Variants in TBC1D9B observed in about 807,000 individuals in gnomAD.
TBC1D9B encodes the protein TBC1 domain family member 9B.
A neutral mutation model predicts 121.1 loss-of-function variants in TBC1D9B; 87 were observed. The ratio of observed to expected loss-of-function variants is 0.72; its 90% confidence interval spans 0.60 to 0.86. The LOEUF (loss-of-function observed/expected upper bound fraction) is 0.86, where lower values mean the gene tolerates loss of function less well. TBC1D9B is among the 40% of genes least tolerant of loss of function. The probability of loss-of-function intolerance (pLI) is 0.00; values close to 1 mark genes in which losing one functional copy is unlikely to be tolerated. For missense variants in TBC1D9B, 1,540 were observed against 1,628.6 expected, an observed-to-expected ratio of 0.95 and a Z score of 0.94; for synonymous variants, 668 against 670.1, an observed-to-expected ratio of 1.00 and a Z score of 0.05.
At chr5:179,903,571 T>C (rs556530823) in intron 2 of TBC1D9B, among the ~76,000 whole-genome samples, 5 of 152,334 alleles carry the variant, frequency 3.3e-5, no homozygotes, top group African/African-American at 1.2e-4. Flanking sequence ...TAATCACACT[T>C]CTGTCGACTG....
intron 14 of TBC1D9B, 120 bp from the exon 15 acceptor site, chr5:179,871,650 G>T: frequency 2.9e-6 from 3 of 1,048,414 alleles, no homozygotes; most frequent in Non-Finnish European, 4.3e-6. Flanking sequence ...CCTCTCAGTG[G>T]CCCAGCACTC....
At chr5:179,867,991 C>T (rs559002464) in intron 17 of TBC1D9B, 142 bp from the exon 18 acceptor site, 5 of 608,172 alleles carry the variant, frequency 8.2e-6, no homozygotes, top group East Asian at 3.0e-5. Flanking sequence ...TGACAGTGCC[C>T]GGTAATAGTT....
At position 179,890,943 on chromosome 5, in the gene TBC1D9B, G is replaced by C. The variant is rs762470334; in HGVS notation, c.1044+436C>G. The stretch of plus-strand genomic sequence containing the variant: ...CGACCTCTGATGGCCTGCTGGAGCC[G>C]AGCCACGCCAAGGTGGTATGTCCAG... On this transcript the variant is annotated intron_variant, in intron 6 of 20. Transcript: ENST00000355235. The surrounding 1 kb of genome is among the most constrained non-coding windows in gnomAD (Gnocchi z 5.0). Among the ~76,000 whole-genome samples the C allele has an allele frequency of 3.9e-5, 6 of 152,214 alleles. No individual in the cohort carries two copies. Among genetic ancestry groups the C allele is most frequent in the Non-Finnish European group, 8.8e-5 (6 of 68,032 alleles).
At position 179,894,605 on chromosome 5, in the gene TBC1D9B, C is replaced by T. The variant is rs1214020653; in HGVS notation, c.358G>A (p.Ala120Thr). 6.2e-6 allele frequency: 10 copies of T among 1,614,020 alleles called. No homozygotes were observed. Among genetic ancestry groups the T allele is most frequent in the Admixed American group, 1.7e-5 (1 of 59,998 alleles). Residue 120 changes from alanine to threonine, a missense_variant, in exon 4 of 21, where the codon GCA (alanine) becomes ACA (threonine). Ala to Thr is a moderately conservative substitution (Grantham distance 58). Transcript: ENST00000355235. ...FVKGKIHGIIAEENKNLQPQG... is the reference protein window; with the variant it reads ...FVKGKIHGIITEENKNLQPQG... The stretch of plus-strand genomic sequence containing the variant: ...GGCTGCAGGTTCTTGTTCTCTTCTG[C>T]GATGATTCCCTGGAGGAAGGCAAGA...
rs1760253800 is a variant in TBC1D9B, at chr5:179,873,157, CTGCAGGG to C, written c.2271_2277del (p.Pro758ArgfsTer8). 6.2e-7 allele frequency: 1 copy of C among 1,612,862 alleles called. No individual in the cohort carries two copies. Among genetic ancestry groups the C allele is most frequent in the African/African-American group, 1.3e-5 (1 of 74,950 alleles). On this transcript the variant is annotated frameshift_variant, in exon 13 of 21. Transcript: ENST00000355235. LOFTEE classifies it high-confidence loss of function. ...TTCAGGAGCTCAAAGATGTCCACCT[CTGCAGGG>C]GGGTCATCGCTGCTGCTCAGCAAGG...
At position 179,893,266 on chromosome 5, in the gene TBC1D9B, T is replaced by C; in HGVS notation, c.779A>G (p.Glu260Gly). Residue 260 changes from glutamate (E) to glycine (G), a missense_variant, in exon 5 of 21, where the codon GAG becomes GGG. By Grantham distance (98) the Glu-to-Gly change is moderately conservative (BLOSUM62 -2). Transcript: ENST00000355235. The part of the protein sequence containing the change: ...RQLLDSEGFL[E>G]DKALPRPIRP... ...GATGGGCCTAGGCAGGGCCTTGTCC[T>C]CCAGGAAGCCCTCGCTGTCCAGCAG... 6.2e-7 allele frequency: 1 copy of C among 1,613,720 alleles called. No homozygotes were observed.
intron 3 of TBC1D9B, among the ~76,000 whole-genome samples, chr5:179,895,694 G>T (rs1760999067): frequency 6.6e-6 from 1 of 152,114 alleles, no homozygotes; most frequent in Non-Finnish European, 1.5e-5. Context: ...ACAATTACAA[G>T]ATAAACTAGT....
At chr5:179,877,007 G>A (rs1465613350) in intron 10 of TBC1D9B, among the ~76,000 whole-genome samples, 1 of 149,502 alleles carries the variant, frequency 6.7e-6, no homozygotes, top group Non-Finnish European at 1.5e-5. Context: ...GTAGGTGGAG[G>A]CTGCAGTGAG....
intron 5 of TBC1D9B, among the ~76,000 whole-genome samples, chr5:179,892,138 T>C (rs766716453): frequency 3.9e-5 from 6 of 152,236 alleles, no homozygotes; most frequent in African/African-American, 7.2e-5. Flanking sequence ...TTGGTGGCTC[T>C]GTCCACATAA....
intron 9 of TBC1D9B, 44 bp downstream of exon 9, chr5:179,879,003 C>G (rs1300232806): frequency 1.9e-6 from 3 of 1,588,016 alleles, no homozygotes; most frequent in Non-Finnish European, 2.6e-6. Context: ...AGCTTGGGGA[C>G]TGACTGGCTG....
rs1446281557 is a variant in TBC1D9B, at chr5:179,878,947, T to C, written c.1567+100A>G. 16 of 1,465,868 alleles carry C rather than the reference T, an allele frequency of 1.1e-5. No homozygotes were observed. The East Asian group carries it at 3.5e-4, about 32-fold the overall frequency. 90.8% of individuals were successfully genotyped at this position (1,465,868 alleles called of 1,614,324 possible). ...TGTGAAAGAGCTGGGAGCTCCTGCC[T>C]GGCCAACTCCAGGCCGGCTCAGGAC... On this transcript the variant is annotated intron_variant, in intron 9 of 20. Transcript: ENST00000355235.
At chr5:179,899,041 C>T in intron 3 of TBC1D9B, 148 bp downstream of exon 3, 1 of 645,914 alleles carries the variant, frequency 1.5e-6, no homozygotes, top group Non-Finnish European at 2.6e-6. Context: ...CTGCCCCTTT[C>T]AACTCCAAGA....
At chr5:179,883,152 C>T (rs1438300634) in intron 7 of TBC1D9B, among the ~76,000 whole-genome samples, 2 of 152,122 alleles carry the variant, frequency 1.3e-5, no homozygotes, top group African/African-American at 4.8e-5. Flanking sequence ...AGCCACTGTG[C>T]CCAGCCTGGA....
rs144707025 is a variant in TBC1D9B at position 179,888,112 on chromosome 5, A to G, written c.1245T>C (p.Pro415=). 6 of 1,613,544 alleles carry G rather than the reference A, an allele frequency of 3.7e-6. No individual in the cohort carries two copies. The highest frequency in any genetic ancestry group is 1.3e-5 in the African/African-American group (1 of 74,896). ...CCAAGGGGCTTCTCACCTCTGTGCT[A>G]GGGTCCACAACACTGGCTTTCCTGC... The part of the protein sequence containing the change: ...IGSRKASVVD[P]STESSPAPQE... The change falls in exon 7 of 21, where the codon CCT becomes CCC. Residue 415 remains proline, a synonymous_variant. Coordinates refer to ENST00000355235, the MANE Select transcript of TBC1D9B (RefSeq NM_015043.4).
intron 6 of TBC1D9B, among the ~76,000 whole-genome samples, chr5:179,888,646 G>C (rs1224182818): frequency 6.6e-6 from 1 of 152,184 alleles, no homozygotes; most frequent in Non-Finnish European, 1.5e-5. Flanking sequence ...CTTGCTTGCA[G>C]GACTGTTCCC....
At position 179,862,658 on chromosome 5, in the gene TBC1D9B, G is replaced by A; in HGVS notation, c.*790C>T. On this transcript the variant is annotated 3_prime_UTR_variant, in exon 21 of 21. Coordinates refer to ENST00000355235, the MANE Select transcript of TBC1D9B (RefSeq NM_015043.4). ...GTCTTGAACTTCCAGAACACAGCCAGGGCCCCATACTTGGCCTGGGGAGAA... is the reference window on the plus strand; with the variant it reads ...GTCTTGAACTTCCAGAACACAGCCAAGGCCCCATACTTGGCCTGGGGAGAA... The A allele has an allele frequency of 2.2e-6, 1 of 448,546 alleles. No individual in the cohort carries two copies. The highest frequency in any genetic ancestry group is 2.0e-5 in the African/African-American group (1 of 50,074). The allele number at this position is 448,546 out of a possible 1,614,324, so 27.8% of individuals were successfully genotyped here.
chr5:179,899,304 G>A lies in TBC1D9B; in HGVS notation c.233C>T (p.Ser78Phe). ...GTGTTTTGTGATCTCTTTGCGGGAAGAACCTAGAAGAGGTTTGGTAAAGTA... is the reference window on the plus strand; with the variant it reads ...GTGTTTTGTGATCTCTTTGCGGGAAAAACCTAGAAGAGGTTTGGTAAAGTA... ...SQVYWTVACG[S>F]SRKEITKHWE... The change falls in exon 3 of 21, where the codon TCT (serine) becomes TTT (phenylalanine). Residue 78 changes from serine (S) to phenylalanine (F), a missense_variant. Transcript: ENST00000355235. 2 of 1,613,358 alleles carry A rather than the reference G, an allele frequency of 1.2e-6. No individual in the cohort carries two copies. Among genetic ancestry groups the A allele is most frequent in the Non-Finnish European group, 1.7e-6 (2 of 1,179,606 alleles).
rs1391791466 is a variant in TBC1D9B at position 179,893,394 on chromosome 5, G to A, written c.651C>T (p.Ile217=). ...KNATLLFPES[I]RVDTRDQELF... is the part of the protein sequence containing the mutation. ...GCTCCTGGTCGCGGGTGTCCACACGGATGCTCTCGGGGAAGAGCAGGGTGG... is the reference window on the plus strand; with the variant it reads ...GCTCCTGGTCGCGGGTGTCCACACGAATGCTCTCGGGGAAGAGCAGGGTGG... The change falls in exon 5 of 21, where the codon ATC becomes ATT. Residue 217 remains isoleucine (I), a synonymous_variant. Transcript: ENST00000355235. 1.1e-5 allele frequency: 18 copies of A among 1,614,046 alleles called. No individual in the cohort carries two copies. Among genetic ancestry groups the A allele is most frequent in the Non-Finnish European group, 1.4e-5 (16 of 1,180,036 alleles).
chr5:179,888,051 C>T, intron 7 of TBC1D9B, 52 bp downstream of exon 7: 4 of 1,606,170 alleles, frequency 2.5e-6, no homozygotes, highest in Non-Finnish European at 3.4e-6. Flanking sequence ...GATGGATGCC[C>T]TGGCTCTTCC....
Sources: gnomAD v4.1 joint callset for allele counts (sites outside exome capture counted in the v4.1 genomes callset) on GRCh38, gnomAD v4.1.1 for gene constraint, Gnocchi (gnomAD v3.1) non-coding constraint, MANE v1.5 for transcripts, NCBI Gene and HGNC (gene_info 2026-07-23, HGNC 2026-07-21) for gene names.